The following FOXN3 variants were observed in gnomAD, a reference collection of about 807,000 sequenced individuals.
FOXN3 encodes the protein forkhead box N3, also known as forkhead box protein N3.
In FOXN3, 7 loss-of-function variants were observed where a neutral mutation model predicts 38.4. The observed-to-expected ratio is 0.18, with a 90% confidence interval of 0.10 to 0.34. FOXN3 has a LOEUF of 0.34. Ranked by LOEUF, FOXN3 falls within the 10% of genes least tolerant of loss-of-function variation. FOXN3 has a pLI of 1.00. For missense variants in FOXN3, 456 were observed against 613.4 expected (o/e 0.74, Z 2.71); for synonymous variants, 230 against 242.2 (o/e 0.95, Z 0.47).
At chr14:89,485,316 C>G (rs1020370744) in intron 1 of FOXN3, among the ~76,000 whole-genome samples, 1 of 152,136 alleles carries the variant, frequency 6.6e-6, no homozygotes, top group Non-Finnish European at 1.5e-5. Flanking sequence ...AGCCCTCCCC[C>G]TTGAGACCCT....
intron 1 of FOXN3, among the ~76,000 whole-genome samples, chr14:89,591,602 A>C (rs966586938): frequency 5.9e-5 from 9 of 152,214 alleles, no homozygotes; most frequent in Admixed American, 5.9e-4. Flanking sequence ...CAGGAATTTA[A>C]GGAACATCTA....
At chr14:89,233,913 A>G (rs758011231) in intron 4 of FOXN3, among the ~76,000 whole-genome samples, 1 of 152,206 alleles carries the variant, frequency 6.6e-6, no homozygotes, top group African/African-American at 2.4e-5. Context: ...CCATGTCACA[A>G]TTGGCTGTAC....
intron 1 of FOXN3, among the ~76,000 whole-genome samples, chr14:89,562,448 C>T (rs556448514): frequency 1.2e-4 from 18 of 152,102 alleles, no homozygotes; most frequent in African/African-American, 4.1e-4. Flanking sequence ...TCAGTAGAGA[C>T]GGGGTTTCAC....
intron 4 of FOXN3, among the ~76,000 whole-genome samples, chr14:89,229,592 C>T (rs1884745383): frequency 6.6e-6 from 1 of 152,120 alleles, no homozygotes; most frequent in Non-Finnish European, 1.5e-5. Flanking sequence ...TGGGCAGGAA[C>T]CAAATGCTAC....
At chr14:89,264,152 C>G (rs1161966222) in intron 4 of FOXN3, 2 of 152,388 alleles carry the variant, frequency 1.3e-5, no homozygotes, top group Non-Finnish European at 2.9e-5. Context: ...CTCTTGTCCT[C>G]CCTAATCATT....
At chr14:89,555,878 T>TGGG (rs1555360138) in intron 1 of FOXN3, among the ~76,000 whole-genome samples, 1 of 100,762 alleles carries the variant, frequency 9.9e-6, no homozygotes, top group African/African-American at 3.0e-5. Context: ...TGTGTGTGTA[T>TGGG]GTGGGGGTGT....
intron 2 of FOXN3, among the ~76,000 whole-genome samples, chr14:89,360,447 GGAT>G (rs556857997): frequency 1.5e-3 from 218 of 150,286 alleles, no homozygotes; most frequent in Non-Finnish European, 2.7e-3. Flanking sequence ...AGGAGGGAAA[GGAT>G]GAGAGGGAGA....
Position 89,598,861 on chromosome 14 carries a change from A to T in FOXN3, c.-15+20167T>A, listed in dbSNP as rs115045559. Among the ~76,000 whole-genome samples, 1,468 of 152,248 alleles carry T rather than the reference A, an allele frequency of 9.6e-3. 16 individuals carry two copies. Among genetic ancestry groups the T allele is most frequent in the African/African-American group, 0.033 (1,381 of 41,548 alleles). On this transcript the variant is annotated intron_variant, in intron 1 of 6. Transcript: ENST00000345097. ...CTATGTTGTTCTCGTTAGCTTTGTT[A>T]TCAGAAATTTTACTATGTTGAATCT...
chr14:89,532,202 A>C (rs1019640276), intron 1 of FOXN3, among the ~76,000 whole-genome samples: 1 of 152,226 alleles, frequency 6.6e-6, no homozygotes, highest in African/African-American at 2.4e-5. Flanking sequence ...GCAGCTGCTG[A>C]AAAACAGCTC....
At chr14:89,555,838 GGT>G (rs201016882) in intron 1 of FOXN3, among the ~76,000 whole-genome samples, 2,482 of 89,664 alleles carry the variant, frequency 0.028, 150 homozygotes, top group East Asian at 0.13. Context: ...TCTAGTTCAT[GGT>G]GTGTGTGTGT....
intron 4 of FOXN3, among the ~76,000 whole-genome samples, chr14:89,278,401 C>G (rs1886363353): frequency 6.6e-6 from 1 of 152,148 alleles, no homozygotes; most frequent in African/African-American, 2.4e-5. Context: ...GTTGGAGACA[C>G]AGCCAAACCA....
At chr14:89,451,945 C>A (rs1892620898) in intron 1 of FOXN3, among the ~76,000 whole-genome samples, 1 of 152,136 alleles carries the variant, frequency 6.6e-6, no homozygotes. Flanking sequence ...ATCTCAGCCG[C>A]CTGAGTTCAC....
At chr14:89,472,577 T>C (rs1207347929) in intron 1 of FOXN3, among the ~76,000 whole-genome samples, 5 of 151,444 alleles carry the variant, frequency 3.3e-5, no homozygotes, top group Admixed American at 2.6e-4. Context: ...AAAAATTAGC[T>C]GGGCGTGGTG....
chr14:89,298,063 C>T (rs1022707894), intron 3 of FOXN3, among the ~76,000 whole-genome samples: 2 of 152,084 alleles, frequency 1.3e-5, no homozygotes, highest in Non-Finnish European at 2.9e-5. Context: ...AACTGTCCCT[C>T]GATGGATGCA....
chr14:89,286,238 G>A (rs1886625843), intron 3 of FOXN3, among the ~76,000 whole-genome samples: 1 of 152,134 alleles, frequency 6.6e-6, no homozygotes, highest in Admixed American at 6.5e-5. Flanking sequence ...GAGAGATTGA[G>A]ATGATAAGAA....
chr14:89,320,103 G>A (rs1397291938), intron 3 of FOXN3, among the ~76,000 whole-genome samples: 1 of 152,182 alleles, frequency 6.6e-6, no homozygotes, highest in Non-Finnish European at 1.5e-5. Flanking sequence ...AGCCGGGAAG[G>A]GGAAGATAGA....
rs545149271 is a variant in FOXN3, at chr14:89,529,138, C to T, written c.-15+89890G>A. Among the ~76,000 whole-genome samples, 12 of 152,240 alleles carry T rather than the reference C, an allele frequency of 7.9e-5. No homozygotes were observed. The South Asian group carries it at 2.5e-3, about 32-fold the overall frequency. On this transcript the variant is annotated intron_variant, in intron 1 of 6. Transcript: ENST00000345097. ...GCTATAATCCATTACCCATCAATCC[C>T]AAAACCCAAATTTCTTTAAGTCTCA...
chr14:89,574,397 G>A (rs1895557004), intron 1 of FOXN3, among the ~76,000 whole-genome samples: 2 of 152,204 alleles, frequency 1.3e-5, no homozygotes, highest in African/African-American at 4.8e-5. Context: ...GGTCTTCTCT[G>A]GCGAGGTGGT....
chr14:89,245,614 A>G (rs1376220879), intron 4 of FOXN3, among the ~76,000 whole-genome samples: 2 of 152,240 alleles, frequency 1.3e-5, no homozygotes, highest in Admixed American at 1.3e-4. Flanking sequence ...GAAATAAAGT[A>G]AAAGGGGAGC....
Sources: allele counts gnomAD v4.1 joint callset (sites outside exome capture counted in the v4.1 genomes callset), GRCh38; gene constraint gnomAD v4.1.1; transcripts MANE v1.5; gene names NCBI Gene and HGNC (gene_info 2026-07-23, HGNC 2026-07-21).